Variants in SFMBT2 observed in about 807,000 individuals in gnomAD.
The protein encoded by SFMBT2 is Scm like with four mbt domains 2.
Under a neutral mutation model 110.1 loss-of-function variants are expected in SFMBT2, and 38 were observed. The observed-to-expected ratio is 0.35, with a 90% CI of 0.27 to 0.45. The LOEUF (loss-of-function observed/expected upper bound fraction) is 0.45. SFMBT2 is among the 20% of genes least tolerant of loss of function. The pLI is 1.00. For synonymous variants in SFMBT2, 425 were observed against 425.4 expected, an observed-to-expected ratio of 1.00 and a Z score of 0.01; for missense variants, 1,011 against 1,094.9, an observed-to-expected ratio of 0.92 and a Z score of 1.08.
At chr10:7,325,776 T>A (rs1366464409) in intron 4 of SFMBT2, among the ~76,000 whole-genome samples, 1 of 152,216 alleles carries the variant, frequency 6.6e-6, no homozygotes, top group South Asian at 2.1e-4. Context: ...AAGTGGCTGC[T>A]ATCGGGTAAC....
In SFMBT2 at chr10:7,214,701, C is replaced by G. The variant is rs147579557; in HGVS notation, c.1330+5710G>C. 6.3e-4 allele frequency: 617 copies of G among 985,492 alleles called. 4 individuals carry two copies. The African/African-American group carries it at 0.01, about 16-fold the overall frequency. The allele number at this position is 985,492 out of a possible 1,614,324, so 61.0% of individuals were successfully genotyped here. A position where few individuals can be genotyped will look rare whatever the true frequency, so the allele number is the denominator to read the frequency against. ...AGTTCGTGGTACAAGGAGGCAATTC[C>G]TGAACTCCAAAAACTTACTGTCCAA... On this transcript the variant is annotated intron_variant, in intron 11 of 20. Coordinates refer to ENST00000397167, the MANE Select transcript of SFMBT2 (RefSeq NM_001387889.1).
intron 2 of SFMBT2, among the ~76,000 whole-genome samples, chr10:7,379,985 C>T (rs1299870333): frequency 6.6e-6 from 1 of 152,182 alleles, no homozygotes; most frequent in Non-Finnish European, 1.5e-5. Flanking sequence ...AGCCAATACA[C>T]AGTTGGTGTT....
chr10:7,284,005 T>C lies in SFMBT2; in HGVS notation c.671A>G (p.Glu224Gly). 1 of 1,612,692 alleles carries C rather than the reference T, an allele frequency of 6.2e-7. No homozygotes were observed. Among genetic ancestry groups the C allele is most frequent in the Non-Finnish European group, 8.5e-7 (1 of 1,178,630 alleles). Reference protein sequence around the residue: ...GRLRLRYVGLEDTESYDQWLF... With the variant: ...GRLRLRYVGLGDTESYDQWLF... Reference sequence around the variant, plus strand: ...CCACTGGTCATAGGATTCAGTGTCCTCCAATCCCACATAGCGAAGGCGTAA... The same window carrying C: ...CCACTGGTCATAGGATTCAGTGTCCCCCAATCCCACATAGCGAAGGCGTAA... The change falls in exon 6 of 21, where the codon GAG becomes GGG. Residue 224 changes from glutamate to glycine, a missense_variant. Physicochemically the swap from Glu to Gly is moderately conservative, Grantham distance 98 (BLOSUM62 -2). Transcript: ENST00000397167.
chr10:7,285,497 C>T (rs894885751), intron 5 of SFMBT2: 2 of 169,126 alleles, frequency 1.2e-5, no homozygotes, highest in South Asian at 1.5e-4. Context: ...TATATTAGCA[C>T]ATACATGATC....
At chr10:7,342,573 T>C (rs1435643695) in intron 4 of SFMBT2, among the ~76,000 whole-genome samples, 1 of 151,988 alleles carries the variant, frequency 6.6e-6, no homozygotes, top group African/African-American at 2.4e-5. Flanking sequence ...CGCGCCCAGC[T>C]AATATTTTTG....
At position 7,320,864 on chromosome 10, in the gene SFMBT2, G is replaced by C. The variant is rs756338501; in HGVS notation, c.437-34910C>G. On this transcript the variant is annotated intron_variant, in intron 4 of 20. Transcript: ENST00000397167. ...TAGCTCTAAACTGCCTGTTAAGAGA[G>C]AGCAACTCCCATCCAAGCGCATAAG... Among the ~76,000 whole-genome samples, 20 of 152,170 alleles carry C rather than the reference G, an allele frequency of 1.3e-4. 1 individual carries two copies. The highest frequency in any genetic ancestry group is 1.2e-3 in the Admixed American group (18 of 15,278).
Position 7,163,743 on chromosome 10 carries a change from A to G in SFMBT2, c.*27T>C. The stretch of plus-strand genomic sequence containing the variant: ...CCTTTACCAACACCGCATCCCAGCA[A>G]TAATGGGCCACCTCCCGAGGGCAGA... On this transcript the variant is annotated 3_prime_UTR_variant, in exon 21 of 21. Coordinates refer to ENST00000397167, the MANE Select transcript of SFMBT2 (RefSeq NM_001387889.1). The surrounding 1 kb of genome is among the most constrained non-coding windows in gnomAD (Gnocchi z 4.8). 1 of 1,604,586 alleles carries G rather than the reference A, an allele frequency of 6.2e-7. No homozygotes were observed. Among genetic ancestry groups the G allele is most frequent in the Non-Finnish European group, 8.5e-7 (1 of 1,172,760 alleles).
At chr10:7,345,964 C>T (rs1041769768) in intron 4 of SFMBT2, among the ~76,000 whole-genome samples, 2 of 152,166 alleles carry the variant, frequency 1.3e-5, no homozygotes, top group Non-Finnish European at 2.9e-5. Context: ...TCTGGAATAA[C>T]GGGTCACTGC....
chr10:7,230,763 T>C (rs1840092968), intron 9 of SFMBT2, among the ~76,000 whole-genome samples: 1 of 152,032 alleles, frequency 6.6e-6, no homozygotes, highest in African/African-American at 2.4e-5. Context: ...TAAAACCTTG[T>C]CTCTACTACA....
intron 11 of SFMBT2, among the ~76,000 whole-genome samples, chr10:7,216,193 T>C (rs115726575): frequency 2.4e-3 from 370 of 152,284 alleles, no homozygotes; most frequent in African/African-American, 8.6e-3. Flanking sequence ...CCCGCTCCCA[T>C]CGCAGACCGC....
intron 16 of SFMBT2, among the ~76,000 whole-genome samples, chr10:7,182,779 A>G (rs1838283265): frequency 6.6e-6 from 1 of 151,582 alleles, no homozygotes; most frequent in African/African-American, 2.4e-5. Context: ...TGATGAGTTA[A>G]TGGGTGCAGC....
intron 4 of SFMBT2, among the ~76,000 whole-genome samples, chr10:7,287,797 G>C (rs1474540143): frequency 6.6e-6 from 1 of 152,242 alleles, no homozygotes; most frequent in Non-Finnish European, 1.5e-5. Flanking sequence ...TTGGCCATAA[G>C]GGTGTGGGGC....
chr10:7,253,825 C>CAAAAA (rs3065776), intron 7 of SFMBT2, among the ~76,000 whole-genome samples: 5 of 134,076 alleles, frequency 3.7e-5, no homozygotes, highest in African/African-American at 8.4e-5. Flanking sequence ...AATCAACAAC[C>CAAAAA]AAAAAAAAAA....
At chr10:7,279,014 T>A (rs1841863626) in intron 6 of SFMBT2, among the ~76,000 whole-genome samples, 1 of 151,192 alleles carries the variant, frequency 6.6e-6, no homozygotes, top group Non-Finnish European at 1.5e-5. Flanking sequence ...GGCAGGAGAA[T>A]CGCTTGAACC....
intron 15 of SFMBT2, among the ~76,000 whole-genome samples, chr10:7,194,030 C>A (rs1408252067): frequency 6.6e-6 from 1 of 152,166 alleles, no homozygotes; most frequent in African/African-American, 2.4e-5. Flanking sequence ...ATCACCACTG[C>A]CTGTGCCTAA....
At chr10:7,393,955 C>T (rs1845850932) in intron 1 of SFMBT2, among the ~76,000 whole-genome samples, 3 of 152,158 alleles carry the variant, frequency 2.0e-5, no homozygotes. Context: ...GTCGCTGATA[C>T]ACAGCCAATC....
intron 4 of SFMBT2, among the ~76,000 whole-genome samples, chr10:7,323,470 C>CAAA (rs34153060): frequency 6.3e-4 from 76 of 120,548 alleles, no homozygotes; most frequent in Non-Finnish European, 8.0e-4. Context: ...AAAAAAAAAC[C>CAAA]AAAAAAAAAA....
At chr10:7,405,158 A>T (rs528921473) in intron 1 of SFMBT2, among the ~76,000 whole-genome samples, 1 of 152,344 alleles carries the variant, frequency 6.6e-6, no homozygotes, top group East Asian at 1.9e-4. Context: ...TTCAGAGTGG[A>T]TGCTCACACT....
chr10:7,372,910 T>C (rs1035769466), intron 2 of SFMBT2, among the ~76,000 whole-genome samples: 1 of 152,230 alleles, frequency 6.6e-6, no homozygotes, highest in African/African-American at 2.4e-5. Flanking sequence ...CTAGCCTGTG[T>C]CAGTAACTTC....
Sources: gnomAD v4.1 joint callset for allele counts (sites outside exome capture counted in the v4.1 genomes callset) on GRCh38, gnomAD v4.1.1 for gene constraint, Gnocchi (gnomAD v3.1) non-coding constraint, MANE v1.5 for transcripts, NCBI Gene and HGNC (gene_info 2026-07-23, HGNC 2026-07-21) for gene names.